CLCN1: variants seen among roughly 807,000 people sequenced by gnomAD.
The protein encoded by CLCN1 is chloride channel protein 1.
In CLCN1, 100 loss-of-function variants were observed where a neutral mutation model predicts 114.5. The ratio of observed to expected loss-of-function variants is 0.87; its 90% CI spans 0.74 to 1.03. The LOEUF is 1.03. CLCN1 is among the 50% of genes least tolerant of loss of function. The probability of loss-of-function intolerance (pLI) is 0.00; values close to 1 mark genes in which losing one functional copy is unlikely to be tolerated. For missense variants in CLCN1, 1,188 were observed against 1,250.0 expected, an observed-to-expected ratio of 0.95 and a Z score of 0.75; for synonymous variants, 485 against 487.1, an observed-to-expected ratio of 1.00 and a Z score of 0.06.
intron 6 of CLCN1, chr7:143,323,689 G>A (rs1455717008): frequency 1.8e-6 from 1 of 558,766 alleles, no homozygotes; most frequent in Non-Finnish European, 3.5e-6. Flanking sequence ...CTCTGTGTTA[G>A]TTTCCCTCCA....
chr7:143,346,893 T>C lies in CLCN1; in HGVS notation c.2365-18T>C, dbSNP rs777254054. 6.2e-7 allele frequency: 1 copy of C among 1,612,272 alleles called. No individual in the cohort carries two copies. Among genetic ancestry groups the C allele is most frequent in the Non-Finnish European group, 8.5e-7 (1 of 1,178,296 alleles). ...GAAGAAAAGGGAAAGAACTTGGACC[T>C]ATGTCTTTCTTCTCTAGGATTCCAC... On this transcript the variant is annotated intron_variant, in intron 19 of 22. Transcript: ENST00000343257.
chr7:143,330,664 C>T (rs902073846), intron 7 of CLCN1, 108 bp from the exon 8 acceptor site: 5 of 1,429,806 alleles, frequency 3.5e-6, no homozygotes, highest in Non-Finnish European at 3.9e-6. Context: ...CTACTGCTTC[C>T]ACCCAGATTC....
chr7:143,321,782 A>G lies in CLCN1; in HGVS notation c.630A>G (p.Lys210=), dbSNP rs374154132. The stretch of plus-strand genomic sequence containing the variant: ...TCCTGAAGGAATACCTCACAATGAA[A>G]GCCTTTGTGGCCAAGGTTGTCGCCC... ...GVVLKEYLTM[K]AFVAKVVALT... is the part of the protein sequence containing the mutation. The change falls in exon 5 of 23, where the codon AAA becomes AAG. Residue 210 remains lysine, a synonymous_variant. Transcript: ENST00000343257. The surrounding 1 kb of genome is among the most constrained non-coding windows in gnomAD (Gnocchi z 4.2). 4 of 1,614,142 alleles carry G rather than the reference A, an allele frequency of 2.5e-6. No individual in the cohort carries two copies. The African/African-American group carries it at 4.0e-5, about 16-fold the overall frequency.
At position 143,321,929 on chromosome 7, in the gene CLCN1, GAGTGGA is replaced by G; in HGVS notation, c.696+88_696+93del. 2 of 1,504,404 alleles carry G rather than the reference GAGTGGA, an allele frequency of 1.3e-6. No individual in the cohort carries two copies. Among genetic ancestry groups the G allele is most frequent in the Non-Finnish European group, 1.8e-6 (2 of 1,104,088 alleles). The allele number at this position is 1,504,404 out of a possible 1,614,324, so 93.2% of individuals were successfully genotyped here. A position where few individuals can be genotyped will look rare whatever the true frequency, so the allele number is the denominator to read the frequency against. On this transcript the variant is annotated intron_variant, in intron 5 of 22. Coordinates refer to ENST00000343257, the MANE Select transcript of CLCN1 (RefSeq NM_000083.3). The surrounding 1 kb of genome is among the most constrained non-coding windows in gnomAD (Gnocchi z 4.2). The stretch of plus-strand genomic sequence containing the variant: ...GCACCAACTCTAGAGGGAGCTCTGG[GAGTGGA>G]AGTGGATCAGGGGACAGGACCAAGG...
intron 20 of CLCN1, among the ~76,000 whole-genome samples, chr7:143,348,309 G>A (rs10249881): frequency 0.41 from 62,919 of 151,912 alleles, 13,271 homozygotes; most frequent in African/African-American, 0.48. Flanking sequence ...CATAATTGCA[G>A]TTAAGGAGTA....
Position 143,351,697 on chromosome 7 carries a change from CT to C in CLCN1, c.2700del (p.Pro901HisfsTer22), listed in dbSNP as rs1475665455. On this transcript the variant is annotated frameshift_variant, in exon 23 of 23. Coordinates refer to ENST00000343257, the MANE Select transcript of CLCN1 (RefSeq NM_000083.3). LOFTEE classifies it high-confidence loss of function. Reference protein sequence around the residue: ...TTSTRKSTGAPPSSAENWNLP... With the variant: ...TTSTRKSTGAXPSSAENWNLP... ...TCAACTCGAAAGAGTACCGGGGCAC[CT>C]CCATCTTCTGCAGAGAACTGGAACC... The C allele has an allele frequency of 6.2e-7, 1 of 1,614,228 alleles. No individual in the cohort carries two copies. Among genetic ancestry groups the C allele is most frequent in the Non-Finnish European group, 8.5e-7 (1 of 1,180,042 alleles).
At chr7:143,335,599 A>C (rs1802855141) in intron 12 of CLCN1, among the ~76,000 whole-genome samples, 1 of 151,334 alleles carries the variant, frequency 6.6e-6, no homozygotes, top group Non-Finnish European at 1.5e-5. Context: ...TTTGAAATGT[A>C]GTCTATGTGG....
chr7:143,328,035 C>T (rs1002601624), intron 7 of CLCN1, among the ~76,000 whole-genome samples: 2 of 152,166 alleles, frequency 1.3e-5, no homozygotes, highest in South Asian at 2.1e-4. Flanking sequence ...GCAATTGGGT[C>T]GATAGTGGTG....
intron 12 of CLCN1, among the ~76,000 whole-genome samples, chr7:143,336,656 A>C (rs199882400): frequency 1.8e-5 from 1 of 54,894 alleles, no homozygotes; most frequent in African/African-American, 9.3e-5. Flanking sequence ...GAAGGAAGGA[A>C]GGGAAAGAAA....
chr7:143,351,128 G>C (rs1803386501), intron 22 of CLCN1, among the ~76,000 whole-genome samples: 1 of 152,164 alleles, frequency 6.6e-6, no homozygotes, highest in African/African-American at 2.4e-5. Context: ...CAAGCAGCCA[G>C]CTGAGGTAGA....
Position 143,332,657 on chromosome 7 carries a change from G to A in CLCN1, c.1252-67G>A, listed in dbSNP as rs940123849. 4 of 1,593,664 alleles carry A rather than the reference G, an allele frequency of 2.5e-6. No individual in the cohort carries two copies. The African/African-American group carries it at 4.0e-5, about 16-fold the overall frequency. On this transcript the variant is annotated intron_variant, in intron 11 of 22. Coordinates refer to ENST00000343257, the MANE Select transcript of CLCN1 (RefSeq NM_000083.3). ...CTTGAATAATGAGGCTGGGGAATAAGTTCTCTAAAAAAGGAAGCACAGGAG... is the reference window on the plus strand; with the variant it reads ...CTTGAATAATGAGGCTGGGGAATAAATTCTCTAAAAAAGGAAGCACAGGAG...
chr7:143,318,486 G>C (rs957045822), intron 1 of CLCN1, among the ~76,000 whole-genome samples: 1 of 152,184 alleles, frequency 6.6e-6, no homozygotes, highest in Non-Finnish European at 1.5e-5. Context: ...GGCTCCTAAA[G>C]TGCTGGGGTT....
At position 143,321,002 on chromosome 7, in the gene CLCN1, A is replaced by G. The variant is rs953156301; in HGVS notation, c.433+207A>G. 6.6e-6 allele frequency among the ~76,000 whole-genome samples: 1 copy of G among 152,106 alleles called. No individual in the cohort carries two copies. Among genetic ancestry groups the G allele is most frequent in the African/African-American group, 2.4e-5 (1 of 41,430 alleles). On this transcript the variant is annotated intron_variant, in intron 3 of 22. Transcript: ENST00000343257. This position sits in a 1 kb window ranked among gnomAD's most constrained non-coding sequence, Gnocchi z 4.2. ...CACGCCCCTCCACTCACTGCCACCCAAGCAGTGGATGCCCCTCTAATAGGG... is the reference window on the plus strand; with the variant it reads ...CACGCCCCTCCACTCACTGCCACCCGAGCAGTGGATGCCCCTCTAATAGGG...
At chr7:143,338,290 C>G (rs1431199521) in intron 12 of CLCN1, among the ~76,000 whole-genome samples, 1 of 151,968 alleles carries the variant, frequency 6.6e-6, no homozygotes, top group Non-Finnish European at 1.5e-5. Context: ...CTCAATTTAC[C>G]CTTCCAGTAG....
chr7:143,339,403 C>A lies in CLCN1; in HGVS notation c.1471+81C>A. 2 of 1,382,304 alleles carry A rather than the reference C, an allele frequency of 1.4e-6. No individual in the cohort carries two copies. The highest frequency in any genetic ancestry group is 1.8e-4 in the Middle Eastern group (1 of 5,612). 85.6% of individuals were successfully genotyped at this position (1,382,304 alleles called of 1,614,324 possible). A position where few individuals can be genotyped will look rare whatever the true frequency, so the allele number is the denominator to read the frequency against. On this transcript the variant is annotated intron_variant, in intron 13 of 22. Transcript: ENST00000343257. This position sits in a 1 kb window ranked among gnomAD's most constrained non-coding sequence, Gnocchi z 4.1. ...GAAACATAAGGAAAGGCCCGGGATG[C>A]TGGGAGTTTATATTTGTTCTTAATG...
intron 19 of CLCN1, 61 bp downstream of exon 19, chr7:143,346,719 A>G: frequency 7.0e-7 from 1 of 1,423,194 alleles, no homozygotes. Context: ...AGAGTGAGAA[A>G]CCCACGGTTC....
chr7:143,349,730 A>T (rs1803345654), intron 20 of CLCN1, among the ~76,000 whole-genome samples: 2 of 152,208 alleles, frequency 1.3e-5, no homozygotes, highest in African/African-American at 4.8e-5. Flanking sequence ...ATGAGAGGTG[A>T]TGTGCTAGTT....
At chr7:143,347,450 A>C (rs1453891290) in intron 20 of CLCN1, among the ~76,000 whole-genome samples, 1 of 151,872 alleles carries the variant, frequency 6.6e-6, no homozygotes, top group African/African-American at 2.4e-5. Context: ...GTGAAACTCC[A>C]TTTCTACTAA....
chr7:143,336,696 A>G (rs999602423), intron 12 of CLCN1, among the ~76,000 whole-genome samples: 2 of 150,622 alleles, frequency 1.3e-5, no homozygotes, highest in African/African-American at 4.9e-5. Context: ...AAGTCTTGGG[A>G]GTTATTTGTG....
Sources: allele counts gnomAD v4.1 joint callset (sites outside exome capture counted in the v4.1 genomes callset), GRCh38; gene constraint gnomAD v4.1.1; non-coding constraint Gnocchi (gnomAD v3.1); transcripts MANE v1.5; gene names NCBI Gene and HGNC (gene_info 2026-07-23, HGNC 2026-07-21).